The following RAP2B variants were observed in gnomAD, a reference collection of about 807,000 sequenced individuals.
The protein encoded by RAP2B is RAP2B, member of RAS oncogene family.
A neutral mutation model predicts 14.4 loss-of-function variants in RAP2B; 6 were observed. The ratio of observed to expected loss-of-function variants is 0.42; its 90% CI spans 0.23 to 0.82. The LOEUF (loss-of-function observed/expected upper bound fraction) is 0.82. Ranked by LOEUF, RAP2B falls within the 40% of genes least tolerant of loss-of-function variation. RAP2B has a pLI of 0.30. For missense variants in RAP2B, 137 were observed against 248.2 expected, an observed-to-expected ratio of 0.55 and a Z score of 3.01; for synonymous variants, 118 against 113.2, an observed-to-expected ratio of 1.04 and a Z score of -0.27.
Position 153,165,186 on chromosome 3 carries a change from C to T in RAP2B, c.*1941C>T, listed in dbSNP as rs1384529187. On this transcript the variant is annotated 3_prime_UTR_variant, in exon 1 of 1. Coordinates refer to ENST00000323534, the MANE Select transcript of RAP2B (RefSeq NM_002886.4). ...ATGGTTTTCAATTCTGAAGTTATAC[C>T]TAGTGATGTTTTTTGCAGTACATTT... 2 of 166,936 alleles carry T rather than the reference C, an allele frequency of 1.2e-5. No individual in the cohort carries two copies. Among genetic ancestry groups the T allele is most frequent in the African/African-American group, 2.4e-5 (1 of 41,412 alleles). 10.3% of individuals were successfully genotyped at this position (166,936 alleles called of 1,614,324 possible).
rs1265951698 is a variant in RAP2B at position 153,164,563 on chromosome 3, T to A, written c.*1318T>A. On this transcript the variant is annotated 3_prime_UTR_variant, in exon 1 of 1. Transcript: ENST00000323534. ...GCTCCCCTTTCATATTATTTTTAAA[T>A]TTTTTAATTACCTGTTGTAGGGTGT... The A allele has an allele frequency of 6.0e-6, 1 of 167,120 alleles. No homozygotes were observed. Among genetic ancestry groups the A allele is most frequent in the African/African-American group, 2.4e-5 (1 of 41,466 alleles). 10.4% of individuals were successfully genotyped at this position (167,120 alleles called of 1,614,324 possible). A position where few individuals can be genotyped will look rare whatever the true frequency, so the allele number is the denominator to read the frequency against.
rs181139168 is a variant in RAP2B at position 153,168,351 on chromosome 3, A to T, written c.*5106A>T. On this transcript the variant is annotated 3_prime_UTR_variant, in exon 1 of 1. Coordinates refer to ENST00000323534, the MANE Select transcript of RAP2B (RefSeq NM_002886.4). Reference sequence around the variant, plus strand: ...AGCTACTATTTAGATGCTGAGAATAATATTATCATGCTTGGGTGGGGAAGA... The same window carrying T: ...AGCTACTATTTAGATGCTGAGAATATTATTATCATGCTTGGGTGGGGAAGA... The T allele has an allele frequency of 6.0e-6, 1 of 167,202 alleles. No individual in the cohort carries two copies. The highest frequency in any genetic ancestry group is 1.9e-4 in the East Asian group (1 of 5,196). The allele number at this position is 167,202 out of a possible 1,614,324, so 10.4% of individuals were successfully genotyped here.
Position 153,169,057 on chromosome 3 carries a change from T to C in RAP2B, c.*5812T>C, listed in dbSNP as rs1442205471. ...TCCTATACTATGAATTTATTTGCCA[T>C]ATATAAGACAATCAGAATTATCTGG... On this transcript the variant is annotated 3_prime_UTR_variant, in exon 1 of 1. Transcript: ENST00000323534. 1 of 152,250 alleles carries C rather than the reference T, an allele frequency of 6.6e-6. No individual in the cohort carries two copies. The highest frequency in any genetic ancestry group is 1.5e-5 in the Non-Finnish European group (1 of 68,048). The allele number at this position is 152,250 out of a possible 1,614,324, so 9.4% of individuals were successfully genotyped here.
Position 153,168,195 on chromosome 3 carries a change from T to C in RAP2B, c.*4950T>C, listed in dbSNP as rs1713633775. 4 of 166,910 alleles carry C rather than the reference T, an allele frequency of 2.4e-5. No individual in the cohort carries two copies. 10.3% of individuals were successfully genotyped at this position (166,910 alleles called of 1,614,324 possible). ...AGAACTTTATGTTAAAGATCTGGGTTTTTAAAGACAATTTGGGGGCCTTCT... is the reference window on the plus strand; with the variant it reads ...AGAACTTTATGTTAAAGATCTGGGTCTTTAAAGACAATTTGGGGGCCTTCT... On this transcript the variant is annotated 3_prime_UTR_variant, in exon 1 of 1. Coordinates refer to ENST00000323534, the MANE Select transcript of RAP2B (RefSeq NM_002886.4).
rs1268950113 is a variant in RAP2B at position 153,165,876 on chromosome 3, A to C, written c.*2631A>C. 1 of 167,106 alleles carries C rather than the reference A, an allele frequency of 6.0e-6. No homozygotes were observed. The highest frequency in any genetic ancestry group is 2.4e-5 in the African/African-American group (1 of 41,466). The allele number at this position is 167,106 out of a possible 1,614,324, so 10.4% of individuals were successfully genotyped here. ...TAGATCCAAAGTGTTAAAAATGCTGAAGTCATGTCAAGTACTGTCTGGAGG... is the reference window on the plus strand; with the variant it reads ...TAGATCCAAAGTGTTAAAAATGCTGCAGTCATGTCAAGTACTGTCTGGAGG... On this transcript the variant is annotated 3_prime_UTR_variant, in exon 1 of 1. Coordinates refer to ENST00000323534, the MANE Select transcript of RAP2B (RefSeq NM_002886.4).
rs1713476279 is a variant in RAP2B, at chr3:153,163,506, A to G, written c.*261A>G. On this transcript the variant is annotated 3_prime_UTR_variant, in exon 1 of 1. Transcript: ENST00000323534. ...GTTTCTCCCTGATTTTGGTTGATGCATATTTCCCCGTTTAAGTAGCCGTTA... is the reference window on the plus strand; with the variant it reads ...GTTTCTCCCTGATTTTGGTTGATGCGTATTTCCCCGTTTAAGTAGCCGTTA... 4.3e-6 allele frequency: 2 copies of G among 469,250 alleles called. 1 individual carries two copies. The highest frequency in any genetic ancestry group is 7.3e-5 in the South Asian group (2 of 27,408). The allele number at this position is 469,250 out of a possible 1,614,324, so 29.1% of individuals were successfully genotyped here.
At position 153,163,017 on chromosome 3, in the gene RAP2B, C is replaced by T. The variant is rs1451792476; in HGVS notation, c.324C>T (p.Arg108=). The change falls in exon 1 of 1, where the codon CGC becomes CGT. Residue 108 remains arginine (R), a synonymous_variant. Coordinates refer to ENST00000323534, the MANE Select transcript of RAP2B (RefSeq NM_002886.4). ...TCATCCGCGTGAAGCGGTACGAGCG[C>T]GTGCCCATGATCCTGGTGGGCAACA... ...DQIIRVKRYE[R]VPMILVGNKV... The T allele has an allele frequency of 6.2e-7, 1 of 1,614,166 alleles. No individual in the cohort carries two copies. The highest frequency in any genetic ancestry group is 8.5e-7 in the Non-Finnish European group (1 of 1,180,042).
In RAP2B at chr3:153,166,425, C is replaced by T. The variant is rs1044065818; in HGVS notation, c.*3180C>T. On this transcript the variant is annotated 3_prime_UTR_variant, in exon 1 of 1. Coordinates refer to ENST00000323534, the MANE Select transcript of RAP2B (RefSeq NM_002886.4). ...GTTAAAGGAAGTGAGTCAGGGAGGGCGGAGTTTGTTGTAAGGCAATCACCT... is the reference window on the plus strand; with the variant it reads ...GTTAAAGGAAGTGAGTCAGGGAGGGTGGAGTTTGTTGTAAGGCAATCACCT... 5.4e-5 allele frequency: 9 copies of T among 166,896 alleles called. No individual in the cohort carries two copies. The highest frequency in any genetic ancestry group is 9.7e-5 in the African/African-American group (4 of 41,376). 10.3% of individuals were successfully genotyped at this position (166,896 alleles called of 1,614,324 possible).
In RAP2B at chr3:153,169,957, G is replaced by A. The variant is rs1713687568; in HGVS notation, c.*6712G>A. 1 of 152,078 alleles carries A rather than the reference G, an allele frequency of 6.6e-6. No homozygotes were observed. The highest frequency in any genetic ancestry group is 1.5e-5 in the Non-Finnish European group (1 of 68,056). 9.4% of individuals were successfully genotyped at this position (152,078 alleles called of 1,614,324 possible). ...TGTTTTGAGAAGCAGAAATGACTAA[G>A]TGGTATAGACATGCAGGAAAAGCAA... On this transcript the variant is annotated 3_prime_UTR_variant, in exon 1 of 1. Coordinates refer to ENST00000323534, the MANE Select transcript of RAP2B (RefSeq NM_002886.4).
In RAP2B at chr3:153,162,517, C is replaced by T. The variant is rs960727112; in HGVS notation, c.-177C>T. The T allele has an allele frequency of 2.0e-5, 14 of 686,862 alleles. No homozygotes were observed. The Admixed American group carries it at 3.6e-4, about 18-fold the overall frequency. The allele number at this position is 686,862 out of a possible 1,614,324, so 42.5% of individuals were successfully genotyped here. ...ATACGCTGCCGCCGCCGCCGGCCGG[C>T]CCGGCGCCCGGCCTCCGTTCGGTGG... On this transcript the variant is annotated 5_prime_UTR_variant, in exon 1 of 1. Transcript: ENST00000323534. This position sits in a 1 kb window ranked among gnomAD's most constrained non-coding sequence, Gnocchi z 4.9.
rs1364508675 is a variant in RAP2B, at chr3:153,169,727, G to C, written c.*6482G>C. 1 of 152,174 alleles carries C rather than the reference G, an allele frequency of 6.6e-6. No homozygotes were observed. Among genetic ancestry groups the C allele is most frequent in the Non-Finnish European group, 1.5e-5 (1 of 68,100 alleles). The allele number at this position is 152,174 out of a possible 1,614,324, so 9.4% of individuals were successfully genotyped here. ...CCAAGAGTTGGGATTACAGGCGTGA[G>C]CCACTGCACCCGGCTGAGATGATAA... On this transcript the variant is annotated 3_prime_UTR_variant, in exon 1 of 1. Coordinates refer to ENST00000323534, the MANE Select transcript of RAP2B (RefSeq NM_002886.4).
At position 153,169,549 on chromosome 3, in the gene RAP2B, G is replaced by A. The variant is rs140566485; in HGVS notation, c.*6304G>A. 573 of 153,520 alleles carry A rather than the reference G, an allele frequency of 3.7e-3. 1 individual carries two copies. Among genetic ancestry groups the A allele is most frequent in the African/African-American group, 0.011 (446 of 41,538 alleles). The allele number at this position is 153,520 out of a possible 1,614,324, so 9.5% of individuals were successfully genotyped here. Reference sequence around the variant, plus strand: ...CAACCTCTGCCTCCCAGGTTCAAGCGATTAGCCTGCCTCATCCTCCTGAGT... The same window carrying A: ...CAACCTCTGCCTCCCAGGTTCAAGCAATTAGCCTGCCTCATCCTCCTGAGT... On this transcript the variant is annotated 3_prime_UTR_variant, in exon 1 of 1. Transcript: ENST00000323534.
In RAP2B at chr3:153,163,369, G is replaced by A; in HGVS notation, c.*124G>A. 1 of 1,356,092 alleles carries A rather than the reference G, an allele frequency of 7.4e-7. No homozygotes were observed. The highest frequency in any genetic ancestry group is 1.5e-5 in the South Asian group (1 of 65,086). 84.0% of individuals were successfully genotyped at this position (1,356,092 alleles called of 1,614,324 possible). A position where few individuals can be genotyped will look rare whatever the true frequency, so the allele number is the denominator to read the frequency against. On this transcript the variant is annotated 3_prime_UTR_variant, in exon 1 of 1. Coordinates refer to ENST00000323534, the MANE Select transcript of RAP2B (RefSeq NM_002886.4). ...TTGCATTGGCCAGGGTGTCTTGGGA[G>A]CCCGGCTGGCCTCCGCGGCCGGCGT...
chr3:153,163,131 G>A lies in RAP2B; in HGVS notation c.438G>A (p.Ser146=). The A allele has an allele frequency of 6.2e-7, 1 of 1,613,282 alleles. No homozygotes were observed. Among genetic ancestry groups the A allele is most frequent in the Non-Finnish European group, 8.5e-7 (1 of 1,179,938 alleles). The change falls in exon 1 of 1, where the codon TCG becomes TCA. Residue 146 remains serine (S), a synonymous_variant. Coordinates refer to ENST00000323534, the MANE Select transcript of RAP2B (RefSeq NM_002886.4). ...GGAGCTGCCCCTTCATGGAGACGTC[G>A]GCCAAAAACAAAGCCTCGGTAGACG... ...EEWSCPFMET[S]AKNKASVDEL... is the part of the protein sequence containing the mutation.
rs149900617 is a variant in RAP2B at position 153,169,884 on chromosome 3, A to C, written c.*6639A>C. 6.6e-6 allele frequency: 1 copy of C among 152,276 alleles called. No homozygotes were observed. The highest frequency in any genetic ancestry group is 1.5e-5 in the Non-Finnish European group (1 of 68,086). 9.4% of individuals were successfully genotyped at this position (152,276 alleles called of 1,614,324 possible). A position where few individuals can be genotyped will look rare whatever the true frequency, so the allele number is the denominator to read the frequency against. The stretch of plus-strand genomic sequence containing the variant: ...TGGGATTACAGGCCTGAGCCACTGC[A>C]TCCAGCCAGGAGTGACAATTTCTAA... On this transcript the variant is annotated 3_prime_UTR_variant, in exon 1 of 1. Transcript: ENST00000323534.
Position 153,163,340 on chromosome 3 carries a change from C to T in RAP2B, c.*95C>T. 4.2e-6 allele frequency: 6 copies of T among 1,442,758 alleles called. No individual in the cohort carries two copies. Among genetic ancestry groups the T allele is most frequent in the Non-Finnish European group, 5.5e-6 (6 of 1,091,822 alleles). 89.4% of individuals were successfully genotyped at this position (1,442,758 alleles called of 1,614,324 possible). A position where few individuals can be genotyped will look rare whatever the true frequency, so the allele number is the denominator to read the frequency against. On this transcript the variant is annotated 3_prime_UTR_variant, in exon 1 of 1. Transcript: ENST00000323534. ...TATTTCTTGCTTTGAGATTGGAGAC[C>T]ACTTTGCATTGGCCAGGGTGTCTTG...
chr3:153,162,853 G>C lies in RAP2B; in HGVS notation c.160G>C (p.Glu54Gln). 6.2e-7 allele frequency: 1 copy of C among 1,614,160 alleles called. No homozygotes were observed. Among genetic ancestry groups the C allele is most frequent in the Non-Finnish European group, 8.5e-7 (1 of 1,180,046 alleles). Reference sequence around the variant, plus strand: ...GGTGGACTCGTCGCCGTCGGTGCTGGAGATCCTGGATACGGCGGGCACCGA... The same window carrying C: ...GGTGGACTCGTCGCCGTCGGTGCTGCAGATCCTGGATACGGCGGGCACCGA... ...IEVDSSPSVL[E>Q]ILDTAGTEQF... Residue 54 changes from glutamate to glutamine, a missense_variant, in exon 1 of 1, where the codon GAG (glutamate) becomes CAG (glutamine). Around this residue, in one of 2 missense-constraint regions of RAP2B, gnomAD observed 31 missense variants for 104.7 expected, o/e 0.30. Transcript: ENST00000323534. The surrounding 1 kb of genome is among the most constrained non-coding windows in gnomAD (Gnocchi z 4.9).
rs1046084469 is a variant in RAP2B, at chr3:153,163,334, G to T, written c.*89G>T. ...GTGATTTATTTCTTGCTTTGAGATT[G>T]GAGACCACTTTGCATTGGCCAGGGT... On this transcript the variant is annotated 3_prime_UTR_variant, in exon 1 of 1. Transcript: ENST00000323534. The T allele has an allele frequency of 5.1e-5, 74 of 1,450,646 alleles. No homozygotes were observed. The highest frequency in any genetic ancestry group is 6.7e-5 in the Non-Finnish European group (74 of 1,098,692). The allele number at this position is 1,450,646 out of a possible 1,614,324, so 89.9% of individuals were successfully genotyped here.
chr3:153,164,547 T>A lies in RAP2B; in HGVS notation c.*1302T>A, dbSNP rs1713514035. The A allele has an allele frequency of 6.0e-6, 1 of 167,080 alleles. No individual in the cohort carries two copies. Among genetic ancestry groups the A allele is most frequent in the South Asian group, 2.1e-4 (1 of 4,832 alleles). The allele number at this position is 167,080 out of a possible 1,614,324, so 10.3% of individuals were successfully genotyped here. A position where few individuals can be genotyped will look rare whatever the true frequency, so the allele number is the denominator to read the frequency against. ...AATTTTCAGGTATTTAGCTCCCCTT[T>A]CATATTATTTTTAAATTTTTTAATT... On this transcript the variant is annotated 3_prime_UTR_variant, in exon 1 of 1. Coordinates refer to ENST00000323534, the MANE Select transcript of RAP2B (RefSeq NM_002886.4).
Sources: gnomAD v4.1 joint callset for allele counts on GRCh38, gnomAD v4.1.1 for gene constraint, gnomAD v4.1.1 regional missense constraint, Gnocchi (gnomAD v3.1) non-coding constraint, MANE v1.5 for transcripts, NCBI Gene and HGNC (gene_info 2026-07-23, HGNC 2026-07-21) for gene names.